FOLH1: variants seen among roughly 807,000 people sequenced by gnomAD.
FOLH1 encodes the protein glutamate carboxypeptidase 2.
In FOLH1, 54 loss-of-function variants were observed where a neutral mutation model predicts 93.9. That is an observed-to-expected ratio of 0.57 (90% CI 0.46 to 0.72). The LOEUF (loss-of-function observed/expected upper bound fraction) is 0.72. Ranked by LOEUF, FOLH1 falls within the 30% of genes least tolerant of loss-of-function variation. FOLH1 has a pLI of 0.00. For missense variants in FOLH1, 571 were observed against 892.5 expected (o/e 0.64, Z 4.59); for synonymous variants, 249 against 303.6 (o/e 0.82, Z 1.87).
At chr11:49,189,697 A>C (rs1861813304) in intron 4 of FOLH1, among the ~76,000 whole-genome samples, 1 of 152,230 alleles carries the variant, frequency 6.6e-6, no homozygotes, top group Non-Finnish European at 1.5e-5. Flanking sequence ...GAAGTCAAAA[A>C]ATTTTAAGTA....
At chr11:49,161,376 G>A (rs913793662) in intron 13 of FOLH1, among the ~76,000 whole-genome samples, 1 of 151,992 alleles carries the variant, frequency 6.6e-6, no homozygotes, top group African/African-American at 2.4e-5. Context: ...TTACCGTTAC[G>A]TGATGCCCTT....
intron 7 of FOLH1, among the ~76,000 whole-genome samples, chr11:49,178,556 A>C (rs1490302462): frequency 6.6e-6 from 1 of 152,200 alleles, no homozygotes. Context: ...TATACCAATG[A>C]AAAAAATAAT....
Position 49,186,625 on chromosome 11 carries a change from G to A in FOLH1, c.639+19C>T. The A allele has an allele frequency of 6.2e-7, 1 of 1,605,812 alleles. No homozygotes were observed. The highest frequency in any genetic ancestry group is 2.2e-5 in the East Asian group (1 of 44,664). On this transcript the variant is annotated intron_variant, in intron 5 of 18. Transcript: ENST00000256999. ...TTTTACATTGGGGGAGAGAAAAAAA[G>A]AGATAATTTTTACCTTACCTTATTT...
At chr11:49,172,705 A>G (rs1455463049) in intron 10 of FOLH1, among the ~76,000 whole-genome samples, 2 of 152,218 alleles carry the variant, frequency 1.3e-5, no homozygotes, top group African/African-American at 4.8e-5. Context: ...TGCAGGGTCA[A>G]TAAAGAGAAT....
intron 1 of FOLH1, chr11:49,206,952 G>A (rs1194471954): frequency 1.6e-6 from 1 of 619,274 alleles, no homozygotes; most frequent in Non-Finnish European, 2.8e-6. Flanking sequence ...TACAAAATTA[G>A]TCCCCAACCA....
intron 18 of FOLH1, among the ~76,000 whole-genome samples, chr11:49,148,127 A>C (rs1181806270): frequency 1.3e-5 from 2 of 152,022 alleles, no homozygotes; most frequent in African/African-American, 4.8e-5. Flanking sequence ...GGGACAGTCA[A>C]TGTTTGGCAG....
In FOLH1 at chr11:49,146,679, T is replaced by C. The variant is rs1855799750; in HGVS notation, c.*77A>G. The C allele has an allele frequency of 2.9e-6, 4 of 1,372,112 alleles. No homozygotes were observed. The highest frequency in any genetic ancestry group is 3.2e-5 in the South Asian group (2 of 61,874). 85.0% of individuals were successfully genotyped at this position (1,372,112 alleles called of 1,614,324 possible). A position where few individuals can be genotyped will look rare whatever the true frequency, so the allele number is the denominator to read the frequency against. ...TATTTCAAATATACCAATTTTAAAA[T>C]TTATCAATATACCCATTACGATTCT... On this transcript the variant is annotated 3_prime_UTR_variant, in exon 19 of 19. Transcript: ENST00000256999.
intron 2 of FOLH1, among the ~76,000 whole-genome samples, chr11:49,204,370 T>G (rs1863623504): frequency 6.6e-6 from 1 of 152,218 alleles, no homozygotes; most frequent in Non-Finnish European, 1.5e-5. Flanking sequence ...AATTCTTTCT[T>G]CTGAAGAGGC....
In FOLH1 at chr11:49,192,905, A is replaced by C; in HGVS notation, c.412-11T>G. 8.3e-6 allele frequency: 13 copies of C among 1,567,128 alleles called. No individual in the cohort carries two copies. The highest frequency in any genetic ancestry group is 1.4e-5 in the African/African-American group (1 of 72,632). ...TGATGTGTTGAAAATCTAGAGAAAC[A>C]AAATATTATAATCAAAATAAAACAG... On this transcript the variant is annotated splice_polypyrimidine_tract_variant and intron_variant, in intron 3 of 18. Coordinates refer to ENST00000256999, the MANE Select transcript of FOLH1 (RefSeq NM_004476.3).
intron 12 of FOLH1, among the ~76,000 whole-genome samples, chr11:49,166,127 G>A (rs1322418357): frequency 3.3e-5 from 5 of 152,148 alleles, no homozygotes; most frequent in African/African-American, 1.2e-4. Flanking sequence ...TTGTTGTCTG[G>A]TGGTAGTGTT....
intron 13 of FOLH1, among the ~76,000 whole-genome samples, chr11:49,163,155 C>A (rs1319083178): frequency 6.6e-6 from 1 of 151,986 alleles, no homozygotes; most frequent in African/African-American, 2.4e-5. Context: ...TTGGACACTC[C>A]GAAGTCTGAA....
chr11:49,170,174 G>A (rs1311155887), intron 11 of FOLH1, among the ~76,000 whole-genome samples: 2 of 152,134 alleles, frequency 1.3e-5, no homozygotes, highest in African/African-American at 2.4e-5. Context: ...TATAGCTAAC[G>A]TTTCTGTTAT....
chr11:49,204,744 A>T (rs1863679580), intron 2 of FOLH1, among the ~76,000 whole-genome samples: 1 of 152,218 alleles, frequency 6.6e-6, no homozygotes, highest in Non-Finnish European at 1.5e-5. Context: ...ATGTGTGCAC[A>T]TCTATGCATA....
At chr11:49,186,968 T>G (rs1471498111) in intron 4 of FOLH1, among the ~76,000 whole-genome samples, 199 bp from the exon 5 acceptor site, 1 of 152,130 alleles carries the variant, frequency 6.6e-6, no homozygotes, top group Non-Finnish European at 1.5e-5. Context: ...TAGAAGCACA[T>G]GAATAAAGTA....
At chr11:49,196,008 G>T (rs1445316457) in intron 3 of FOLH1, among the ~76,000 whole-genome samples, 1 of 152,104 alleles carries the variant, frequency 6.6e-6, no homozygotes, top group African/African-American at 2.4e-5. Flanking sequence ...ACAAAAATTA[G>T]CCGGGTGCGG....
intron 6 of FOLH1, among the ~76,000 whole-genome samples, chr11:49,184,231 T>A (rs963250059): frequency 4.6e-5 from 7 of 152,106 alleles, no homozygotes; most frequent in African/African-American, 1.7e-4. Context: ...GATAAACAAA[T>A]AAAACAAGAT....
intron 4 of FOLH1, among the ~76,000 whole-genome samples, chr11:49,191,105 G>T (rs1404317570): frequency 6.6e-6 from 1 of 152,106 alleles, no homozygotes; most frequent in African/African-American, 2.4e-5. Context: ...TCCACCTCCC[G>T]CGTTCACGCC....
At chr11:49,150,663 T>G (rs888392516) in intron 17 of FOLH1, among the ~76,000 whole-genome samples, 2 of 152,188 alleles carry the variant, frequency 1.3e-5, no homozygotes, top group Non-Finnish European at 2.9e-5. Context: ...CTGCTATTTA[T>G]CAAACACTCC....
intron 11 of FOLH1, among the ~76,000 whole-genome samples, 175 bp downstream of exon 11, chr11:49,171,020 A>C (rs1859195093): frequency 6.6e-6 from 1 of 152,210 alleles, no homozygotes; most frequent in Non-Finnish European, 1.5e-5. Context: ...TTAGTTCTTT[A>C]GCAACAGAGA....
Sources: allele counts gnomAD v4.1 joint callset (sites outside exome capture counted in the v4.1 genomes callset), GRCh38; gene constraint gnomAD v4.1.1; transcripts MANE v1.5; gene names NCBI Gene and HGNC (gene_info 2026-07-23, HGNC 2026-07-21).